The following CDH13 variants were observed in gnomAD, a reference collection of about 807,000 sequenced individuals.
CDH13 encodes the protein cadherin-13.
Under a neutral mutation model 63.8 loss-of-function variants are expected in CDH13, and 24 were observed. The ratio of observed to expected loss-of-function variants is 0.38; its 90% CI spans 0.27 to 0.53. The LOEUF (loss-of-function observed/expected upper bound fraction) is 0.53, where lower values mean the gene tolerates loss of function less well. Ranked by LOEUF, CDH13 falls within the 20% of genes least tolerant of loss-of-function variation. The probability of loss-of-function intolerance (pLI) is 0.85; values close to 1 mark genes in which losing one functional copy is unlikely to be tolerated. For synonymous variants in CDH13, 503 were observed against 355.3 expected (o/e 1.42, Z -4.67); for missense variants, 1,049 against 903.1 (o/e 1.16, Z -2.07).
At chr16:83,437,091 C>A (rs1196617610) in intron 6 of CDH13, among the ~76,000 whole-genome samples, 2 of 151,718 alleles carry the variant, frequency 1.3e-5, no homozygotes, top group African/African-American at 4.8e-5. Flanking sequence ...TTTTTTTTTC[C>A]CAGTAGTAGG....
At position 82,799,303 on chromosome 16, in the gene CDH13, A is replaced by T. The variant is rs1449513944; in HGVS notation, c.46-59059A>T. 2.6e-5 allele frequency among the ~76,000 whole-genome samples: 4 copies of T among 152,202 alleles called. No homozygotes were observed. The East Asian group carries it at 5.8e-4, about 22-fold the overall frequency. ...TTGATACTCATGAAAGTTGGTCTTG[A>T]AATATTGTATACAGCCCAAATTAAG... is the stretch of plus-strand genomic sequence containing the variant. On this transcript the variant is annotated intron_variant, in intron 1 of 13. Coordinates refer to ENST00000567109, the MANE Select transcript of CDH13 (RefSeq NM_001257.5).
At chr16:83,394,778 A>C (rs1263994413) in intron 6 of CDH13, among the ~76,000 whole-genome samples, 2 of 152,182 alleles carry the variant, frequency 1.3e-5, no homozygotes, top group Non-Finnish European at 2.9e-5. Flanking sequence ...GGGATGAGAA[A>C]TGGTTAGTAT....
intron 2 of CDH13, among the ~76,000 whole-genome samples, chr16:82,867,572 G>C (rs939431351): frequency 2.0e-5 from 3 of 152,134 alleles, no homozygotes; most frequent in Admixed American, 2.0e-4. Context: ...TTGGTTAGCA[G>C]CCAGGTCCTC....
chr16:82,806,318 A>G (rs1245696739), intron 1 of CDH13, among the ~76,000 whole-genome samples: 1 of 152,160 alleles, frequency 6.6e-6, no homozygotes, highest in East Asian at 1.9e-4. Flanking sequence ...CTTTATCTAG[A>G]TAATAGGTCG....
intron 4 of CDH13, among the ~76,000 whole-genome samples, chr16:83,209,780 G>C (rs2039287490): frequency 6.6e-6 from 1 of 152,110 alleles, no homozygotes; most frequent in Non-Finnish European, 1.5e-5. Flanking sequence ...AGGAGGGCTA[G>C]AGCTCAGGTG....
At chr16:82,968,346 T>G (rs1453808735) in intron 2 of CDH13, among the ~76,000 whole-genome samples, 5 of 152,214 alleles carry the variant, frequency 3.3e-5, no homozygotes, top group Non-Finnish European at 7.3e-5. Flanking sequence ...TGTGTAATTT[T>G]CCAAGAAGGC....
chr16:82,681,444 T>G (rs1914534840), intron 1 of CDH13, among the ~76,000 whole-genome samples: 1 of 152,224 alleles, frequency 6.6e-6, no homozygotes, highest in Admixed American at 6.5e-5. Context: ...TGCACAGCAT[T>G]GATAGTGTTC....
At chr16:82,837,961 T>C (rs536830456) in intron 1 of CDH13, among the ~76,000 whole-genome samples, 1 of 152,320 alleles carries the variant, frequency 6.6e-6, no homozygotes, top group East Asian at 1.9e-4. Flanking sequence ...TGCAATCTGC[T>C]TCGTAACTCT....
chr16:83,434,328 C>G (rs2072219043), intron 6 of CDH13, among the ~76,000 whole-genome samples: 1 of 152,140 alleles, frequency 6.6e-6, no homozygotes, highest in African/African-American at 2.4e-5. Flanking sequence ...GGCTAGATAG[C>G]CTTGGCTCTG....
chr16:83,651,900 G>A (rs1912417191), intron 8 of CDH13, among the ~76,000 whole-genome samples: 1 of 152,122 alleles, frequency 6.6e-6, no homozygotes, highest in African/African-American at 2.4e-5. Flanking sequence ...CATCCCATAG[G>A]TCTTTTTTAA....
intron 7 of CDH13, among the ~76,000 whole-genome samples, chr16:83,533,809 T>C (rs1384400330): frequency 1.3e-5 from 2 of 151,766 alleles, no homozygotes; most frequent in Non-Finnish European, 2.9e-5. Context: ...TTAGTAGAGA[T>C]GGGATTTCGC....
chr16:83,705,476 G>C (rs1324885732), intron 10 of CDH13, among the ~76,000 whole-genome samples: 2 of 152,026 alleles, frequency 1.3e-5, no homozygotes, highest in East Asian at 3.9e-4. Flanking sequence ...CAAAAAATTA[G>C]CCGGGCATGA....
chr16:83,171,748 C>T (rs575834860), intron 4 of CDH13, among the ~76,000 whole-genome samples: 11 of 152,106 alleles, frequency 7.2e-5, no homozygotes, highest in Non-Finnish European at 1.3e-4. Flanking sequence ...GAGTCCCAAG[C>T]TGTATGTTTT....
At chr16:83,524,521 C>T (rs570965369) in intron 7 of CDH13, among the ~76,000 whole-genome samples, 75 of 135,480 alleles carry the variant, frequency 5.5e-4, no homozygotes, top group Non-Finnish European at 8.8e-4. Flanking sequence ...GGCGCGCTCT[C>T]GGCTTACTGC....
chr16:83,245,866 C>T (rs1265353943), intron 5 of CDH13, among the ~76,000 whole-genome samples: 2 of 152,128 alleles, frequency 1.3e-5, no homozygotes, highest in African/African-American at 4.8e-5. Flanking sequence ...CCTCAGTCTT[C>T]TGAGTAGCCC....
intron 1 of CDH13, chr16:82,727,492 A>G (rs1183092864): frequency 2.0e-5 from 3 of 152,136 alleles, no homozygotes; most frequent in African/African-American, 7.2e-5. Flanking sequence ...ATTCAGGTCT[A>G]TTGTGATTTC....
chr16:82,968,990 C>T (rs989523535), intron 2 of CDH13, among the ~76,000 whole-genome samples: 2 of 152,056 alleles, frequency 1.3e-5, no homozygotes, highest in Admixed American at 6.6e-5. Flanking sequence ...CATGGTAATC[C>T]CAGCTGCTCA....
chr16:83,607,994 C>T (rs1908504073), intron 8 of CDH13, among the ~76,000 whole-genome samples: 1 of 152,058 alleles, frequency 6.6e-6, no homozygotes, highest in Admixed American at 6.6e-5. Flanking sequence ...CATATTTTCA[C>T]ATAAATCTCA....
At chr16:83,263,989 C>T (rs1264483237) in intron 5 of CDH13, among the ~76,000 whole-genome samples, 2 of 152,134 alleles carry the variant, frequency 1.3e-5, no homozygotes, top group Admixed American at 6.5e-5. Flanking sequence ...TCCTAAAGTT[C>T]CTAGATAGAT....
Sources: gnomAD v4.1 joint callset for allele counts (sites outside exome capture counted in the v4.1 genomes callset) on GRCh38, gnomAD v4.1.1 for gene constraint, MANE v1.5 for transcripts, NCBI Gene and HGNC (gene_info 2026-07-23, HGNC 2026-07-21) for gene names.